CARS1: variants seen among roughly 807,000 people sequenced by gnomAD.
CARS1 encodes cysteine--tRNA ligase, cytoplasmic.
In CARS1, 48 loss-of-function variants were observed where a neutral mutation model predicts 106.2. The ratio of observed to expected loss-of-function variants is 0.45; its 90% CI spans 0.36 to 0.57. The LOEUF (loss-of-function observed/expected upper bound fraction) is 0.57. Among genes scored for constraint, CARS1 ranks in the 20% least tolerant of loss-of-function variants. The pLI, the probability that CARS1 is intolerant of heterozygous loss-of-function variation, is 0.00. For missense variants in CARS1, 968 were observed against 1,057.2 expected (o/e 0.92, Z 1.17); for synonymous variants, 409 against 403.4 (o/e 1.01, Z -0.17).
Position 3,022,518 on chromosome 11 carries a change from C to G in CARS1, c.1154-2186G>C, listed in dbSNP as rs1851658531. On this transcript the variant is annotated intron_variant, in intron 10 of 22. Transcript: ENST00000380525. The surrounding 1 kb of genome is among the most constrained non-coding windows in gnomAD (Gnocchi z 4.9). ...TTCTTCTACGGCAACCCCTGGTATC[C>G]CGGTATACTGACTCGCTGTGCATTG... Among the ~76,000 whole-genome samples, 1 of 152,176 alleles carries G rather than the reference C, an allele frequency of 6.6e-6. No individual in the cohort carries two copies. Among genetic ancestry groups the G allele is most frequent in the Non-Finnish European group, 1.5e-5 (1 of 68,016 alleles).
chr11:3,024,956 A>C (rs1851906974), intron 10 of CARS1, among the ~76,000 whole-genome samples: 1 of 152,198 alleles, frequency 6.6e-6, no homozygotes, highest in East Asian at 1.9e-4. Flanking sequence ...ACTGTATTTC[A>C]AACCTTTCAT....
chr11:3,010,229 C>T (rs575172223), intron 18 of CARS1, among the ~76,000 whole-genome samples: 8 of 152,352 alleles, frequency 5.3e-5, no homozygotes, highest in East Asian at 1.9e-4. Flanking sequence ...CCCCCTTTAG[C>T]GCCCTCCCGG....
intron 18 of CARS1, chr11:3,009,235 C>G (rs1235422948): frequency 3.3e-5 from 5 of 152,244 alleles, no homozygotes; most frequent in Admixed American, 2.0e-4. Context: ...AGGGCCCATC[C>G]ATCCATGGAA....
In CARS1 at chr11:3,041,228, T is replaced by C. The variant is rs768790429; in HGVS notation, c.367-244A>G. ...TCCTCCCTGGGGTTCTACTCATCTATGGAGGGAGGCGATAAAGGGAATCAA... is the reference window on the plus strand; with the variant it reads ...TCCTCCCTGGGGTTCTACTCATCTACGGAGGGAGGCGATAAAGGGAATCAA... On this transcript the variant is annotated intron_variant, in intron 3 of 22. Transcript: ENST00000380525. The surrounding 1 kb of genome is among the most constrained non-coding windows in gnomAD (Gnocchi z 4.9). The C allele has an allele frequency of 7.4e-6, 4 of 540,262 alleles. No individual in the cohort carries two copies. The highest frequency in any genetic ancestry group is 2.3e-5 in the South Asian group (1 of 43,542). The allele number at this position is 540,262 out of a possible 1,614,324, so 33.5% of individuals were successfully genotyped here. A position where few individuals can be genotyped will look rare whatever the true frequency, so the allele number is the denominator to read the frequency against.
intron 7 of CARS1, among the ~76,000 whole-genome samples, chr11:3,036,948 A>T (rs1020497336): frequency 6.6e-6 from 1 of 151,996 alleles, no homozygotes; most frequent in African/African-American, 2.4e-5. Flanking sequence ...CTCTACAAAA[A>T]AAAAGTTTTT....
Position 3,029,587 on chromosome 11 carries a change from T to A in CARS1, c.802-144A>T. On this transcript the variant is annotated intron_variant, in intron 7 of 22. Coordinates refer to ENST00000380525, the MANE Select transcript of CARS1 (RefSeq NM_001014437.3). The surrounding 1 kb of genome is among the most constrained non-coding windows in gnomAD (Gnocchi z 5.9). ...AAGAGCCACCGTCTCCTAGGGAGAC[T>A]GTGATGCTTACACAACTGGCTCGGC... 2.6e-6 allele frequency: 2 copies of A among 771,224 alleles called. No individual in the cohort carries two copies. The highest frequency in any genetic ancestry group is 3.7e-5 in the South Asian group (2 of 53,878). The allele number at this position is 771,224 out of a possible 1,614,324, so 47.8% of individuals were successfully genotyped here.
intron 9 of CARS1, chr11:3,027,210 T>C (rs1420079345): frequency 6.4e-6 from 1 of 157,122 alleles, no homozygotes; most frequent in East Asian, 1.8e-4. Flanking sequence ...TCTCTGAGCT[T>C]CGGCTTGCCC....
chr11:3,037,156 T>G lies in CARS1; in HGVS notation c.801+894A>C, dbSNP rs147287561. Reference sequence around the variant, plus strand: ...CACTGAGGCAGTGACAGTGACCACATGTGGGTCGTCCCAGAAGCACAGCTT... The same window carrying G: ...CACTGAGGCAGTGACAGTGACCACAGGTGGGTCGTCCCAGAAGCACAGCTT... On this transcript the variant is annotated intron_variant, in intron 7 of 22. Transcript: ENST00000380525. This position sits in a 1 kb window ranked among gnomAD's most constrained non-coding sequence, Gnocchi z 5.9. Among the ~76,000 whole-genome samples, 11 of 152,300 alleles carry G rather than the reference T, an allele frequency of 7.2e-5. No homozygotes were observed. The highest frequency in any genetic ancestry group is 2.6e-4 in the African/African-American group (11 of 41,574).
intron 1 of CARS1, among the ~76,000 whole-genome samples, chr11:3,056,791 G>C (rs1489024957): frequency 6.6e-6 from 1 of 152,188 alleles, no homozygotes; most frequent in African/African-American, 2.4e-5. Flanking sequence ...GAGGGAGCGA[G>C]GGCCCGCCCA....
chr11:3,047,482 G>T (rs989909987), intron 2 of CARS1, among the ~76,000 whole-genome samples: 1 of 152,108 alleles, frequency 6.6e-6, no homozygotes, highest in Non-Finnish European at 1.5e-5. Context: ...GAGCCGCAGC[G>T]GCTCTGCACC....
intron 10 of CARS1, 96 bp downstream of exon 10, chr11:3,026,580 G>A (rs919206447): frequency 4.5e-6 from 6 of 1,326,188 alleles, no homozygotes; most frequent in South Asian, 1.4e-5. Context: ...AGTCTGAGGG[G>A]TGGGCTCAGC....
chr11:3,017,043 C>A lies in CARS1; in HGVS notation c.1917+63G>T. 1 of 1,467,550 alleles carries A rather than the reference C, an allele frequency of 6.8e-7. No homozygotes were observed. Among genetic ancestry groups the A allele is most frequent in the Non-Finnish European group, 9.3e-7 (1 of 1,071,778 alleles). 90.9% of individuals were successfully genotyped at this position (1,467,550 alleles called of 1,614,324 possible). On this transcript the variant is annotated intron_variant, in intron 16 of 22. Transcript: ENST00000380525. This position sits in a 1 kb window ranked among gnomAD's most constrained non-coding sequence, Gnocchi z 4.9. ...CACCAGAGGCCTCTGTTCTCCCAGT[C>A]CTGGGGCCTGGCTCCTGTGTCCACA...
intron 1 of CARS1, among the ~76,000 whole-genome samples, chr11:3,054,396 T>C (rs572592591): frequency 6.6e-6 from 1 of 152,218 alleles, no homozygotes; most frequent in Non-Finnish European, 1.5e-5. Context: ...TGGCTTAATC[T>C]CCACCCCAAG....
intron 17 of CARS1, 54 bp from the exon 18 acceptor site, chr11:3,012,330 T>A (rs572945450): frequency 6.8e-7 from 1 of 1,479,576 alleles, no homozygotes; most frequent in South Asian, 1.1e-5. Context: ...CCCATATTCA[T>A]AACAGAATAA....
At position 3,019,510 on chromosome 11, in the gene CARS1, A is replaced by G. The variant is rs903798599; in HGVS notation, c.1267-243T>C. On this transcript the variant is annotated intron_variant, in intron 11 of 22. Transcript: ENST00000380525. This position sits in a 1 kb window ranked among gnomAD's most constrained non-coding sequence, Gnocchi z 6.2. ...GGAGTTCAAGACCAGCCTGGCCAAC[A>G]TGGTGAAACCCCGTCTCTACTAAAA... Among the ~76,000 whole-genome samples, 11 of 152,168 alleles carry G rather than the reference A, an allele frequency of 7.2e-5. No individual in the cohort carries two copies. The highest frequency in any genetic ancestry group is 1.5e-5 in the Non-Finnish European group (1 of 68,022).
At position 3,044,830 on chromosome 11, in the gene CARS1, G is replaced by A. The variant is rs1302926286; in HGVS notation, c.275-2574C>T. Among the ~76,000 whole-genome samples the A allele has an allele frequency of 1.3e-5, 2 of 152,154 alleles. No individual in the cohort carries two copies. Among genetic ancestry groups the A allele is most frequent in the African/African-American group, 2.4e-5 (1 of 41,436 alleles). ...TGGCTTTGAAACAGGGATGTGGGAGGCTGAAGATAAAATGATGGAGAGGGA... is the reference window on the plus strand; with the variant it reads ...TGGCTTTGAAACAGGGATGTGGGAGACTGAAGATAAAATGATGGAGAGGGA... On this transcript the variant is annotated intron_variant, in intron 2 of 22. Transcript: ENST00000380525. The surrounding 1 kb of genome is among the most constrained non-coding windows in gnomAD (Gnocchi z 4.4).
intron 21 of CARS1, 171 bp downstream of exon 21, chr11:3,002,370 T>G: frequency 9.5e-6 from 12 of 1,259,328 alleles, no homozygotes; most frequent in Non-Finnish European, 1.2e-5. Flanking sequence ...CTGCACCCCA[T>G]GTGAGAAGGG....
Position 3,006,996 on chromosome 11 carries a change from G to A in CARS1, c.2069-37C>T, listed in dbSNP as rs1162158411. The A allele has an allele frequency of 3.2e-6, 5 of 1,556,254 alleles. No homozygotes were observed. In the African/African-American group the frequency reaches 4.1e-5, roughly 13 times the overall value. On this transcript the variant is annotated intron_variant, in intron 18 of 22. Coordinates refer to ENST00000380525, the MANE Select transcript of CARS1 (RefSeq NM_001014437.3). ...GCAGAGCAGTTCCCTCAGACATGGA[G>A]GAGCCAGGGCCCACACAACCAGTGC... is the stretch of plus-strand genomic sequence containing the variant.
chr11:3,021,153 T>A lies in CARS1; in HGVS notation c.1154-821A>T, dbSNP rs1317059240. 1.3e-5 allele frequency among the ~76,000 whole-genome samples: 2 copies of A among 152,202 alleles called. No individual in the cohort carries two copies. Among genetic ancestry groups the A allele is most frequent in the African/African-American group, 2.4e-5 (1 of 41,460 alleles). ...CCCCAGAAAAGGAATGCACCATCAC[T>A]GCAGATTTCTCTCAACAATACATGC... On this transcript the variant is annotated intron_variant, in intron 10 of 22. Coordinates refer to ENST00000380525, the MANE Select transcript of CARS1 (RefSeq NM_001014437.3). This position sits in a 1 kb window ranked among gnomAD's most constrained non-coding sequence, Gnocchi z 5.3.
Sources: gnomAD v4.1 joint callset for allele counts (sites outside exome capture counted in the v4.1 genomes callset) on GRCh38, gnomAD v4.1.1 for gene constraint, Gnocchi (gnomAD v3.1) non-coding constraint, MANE v1.5 for transcripts, NCBI Gene and HGNC (gene_info 2026-07-23, HGNC 2026-07-21) for gene names.